KLF12: variants seen among roughly 807,000 people sequenced by gnomAD.
The protein encoded by KLF12 is Krueppel-like factor 12.
Under a neutral mutation model 37.8 loss-of-function variants are expected in KLF12, and 9 were observed. That is an observed-to-expected ratio of 0.24 (90% CI 0.14 to 0.42). The LOEUF is 0.42. Among genes scored for constraint, KLF12 ranks in the 10% least tolerant of loss-of-function variants. The pLI, the probability that KLF12 is intolerant of heterozygous loss-of-function variation, is 1.00. For missense variants in KLF12, 411 were observed against 516.0 expected (o/e 0.80, Z 1.97); for synonymous variants, 208 against 202.1 (o/e 1.03, Z -0.25).
intron 4 of KLF12, among the ~76,000 whole-genome samples, chr13:73,839,093 C>CTT (rs371913126): frequency 7.9e-5 from 11 of 138,618 alleles, no homozygotes; most frequent in Admixed American, 2.2e-4. Context: ...ATGACATTAA[C>CTT]TTTTTTTTTT....
intron 6 of KLF12, among the ~76,000 whole-genome samples, chr13:73,741,528 C>T (rs933650659): frequency 1.4e-4 from 21 of 152,174 alleles, no homozygotes; most frequent in African/African-American, 4.8e-4. Context: ...GTTCTTAGGC[C>T]AATAACACAT....
At chr13:74,099,971 G>C (rs779302306) in intron 1 of KLF12, among the ~76,000 whole-genome samples, 1 of 152,070 alleles carries the variant, frequency 6.6e-6, no homozygotes, top group Non-Finnish European at 1.5e-5. Flanking sequence ...CAGAGCCATG[G>C]AGTGCTGATG....
chr13:74,111,494 TAA>T, intron 1 of KLF12, among the ~76,000 whole-genome samples: 1 of 152,288 alleles, frequency 6.6e-6, no homozygotes, highest in South Asian at 2.1e-4. Flanking sequence ...TCAGAGAATT[TAA>T]AGTAATTCTA....
At chr13:74,175,291 A>G in the KLF12 span, among the ~76,000 whole-genome samples, 1 of 152,116 alleles carries the variant, frequency 6.6e-6, no homozygotes, top group African/African-American at 2.4e-5. Context: ...TAAAATGGGA[A>G]CTCCCTCAGT....
chr13:74,199,318 C>T, the KLF12 span, among the ~76,000 whole-genome samples: 1 of 152,192 alleles, frequency 6.6e-6, no homozygotes, highest in Non-Finnish European at 1.5e-5. Flanking sequence ...AAATGATATA[C>T]TTCAATTCAA....
At chr13:73,738,132 CACACAT>C (rs1479616889) in intron 6 of KLF12, among the ~76,000 whole-genome samples, 15 of 92,644 alleles carry the variant, frequency 1.6e-4, no homozygotes, top group African/African-American at 9.8e-4. Context: ...TATACACACA[CACACAT>C]ATATATACAC....
At chr13:73,948,727 T>C (rs1365007276) in intron 2 of KLF12, among the ~76,000 whole-genome samples, 1 of 152,196 alleles carries the variant, frequency 6.6e-6, no homozygotes, top group Non-Finnish European at 1.5e-5. Context: ...TCAAGTCCTA[T>C]TGCAGATGTG....
chr13:73,861,231 A>T (rs76965483), intron 3 of KLF12, among the ~76,000 whole-genome samples: 11,733 of 152,162 alleles, frequency 0.077, 607 homozygotes, highest in South Asian at 0.14. Flanking sequence ...ACAATGATAA[A>T]TGCATGTACC....
intron 6 of KLF12, among the ~76,000 whole-genome samples, chr13:73,762,801 T>C (rs1358990789): frequency 6.6e-6 from 1 of 152,196 alleles, no homozygotes; most frequent in Non-Finnish European, 1.5e-5. Context: ...AACAAGTGTT[T>C]ATCACTTTAC....
the KLF12 span, among the ~76,000 whole-genome samples, chr13:74,222,017 A>G: frequency 3.4e-4 from 52 of 152,288 alleles, no homozygotes; most frequent in African/African-American, 1.2e-3. Context: ...CCTGAAAGCC[A>G]TTTCTCCAGT....
chr13:73,735,871 C>T (rs1045514735), intron 6 of KLF12, among the ~76,000 whole-genome samples: 2 of 152,010 alleles, frequency 1.3e-5, no homozygotes, highest in African/African-American at 4.8e-5. Flanking sequence ...GATAAGGATG[C>T]ATAGGCCAAC....
At chr13:74,025,063 A>G (rs546750447) in intron 1 of KLF12, among the ~76,000 whole-genome samples, 1 of 152,340 alleles carries the variant, frequency 6.6e-6, no homozygotes, top group African/African-American at 2.4e-5. Flanking sequence ...CATTCAGGTA[A>G]CAATGTACAT....
chr13:73,782,371 AAAGT>A (rs1881022050), intron 5 of KLF12, among the ~76,000 whole-genome samples: 1 of 152,184 alleles, frequency 6.6e-6, no homozygotes, highest in African/African-American at 2.4e-5. Flanking sequence ...ACTTTCTCCT[AAAGT>A]AAGAACAATA....
chr13:74,285,755 T>A, the KLF12 span, among the ~76,000 whole-genome samples: 7 of 152,302 alleles, frequency 4.6e-5, no homozygotes, highest in Non-Finnish European at 1.0e-4. Flanking sequence ...ATCTGTGAAA[T>A]GGGAAGGATT....
chr13:73,904,756 G>C (rs952921951), intron 3 of KLF12, among the ~76,000 whole-genome samples: 5 of 152,096 alleles, frequency 3.3e-5, no homozygotes, highest in African/African-American at 1.2e-4. Context: ...GGTTTAGCAG[G>C]AAAGTGATGG....
chr13:74,188,545 C>G, the KLF12 span, among the ~76,000 whole-genome samples: 2 of 151,978 alleles, frequency 1.3e-5, no homozygotes, highest in African/African-American at 4.8e-5. Flanking sequence ...AATTATTGTA[C>G]CTGGCAAAAC....
the KLF12 span, among the ~76,000 whole-genome samples, chr13:74,283,783 A>G: frequency 4.6e-5 from 7 of 152,334 alleles, no homozygotes; most frequent in South Asian, 1.2e-3. Flanking sequence ...CATTTCTAGA[A>G]AAAATACATG....
chr13:73,817,568 C>A (rs1883302672), intron 4 of KLF12, among the ~76,000 whole-genome samples: 1 of 152,190 alleles, frequency 6.6e-6, no homozygotes, highest in South Asian at 2.1e-4. Context: ...TGCCTCTATA[C>A]ATGTTTTAAG....
At chr13:73,955,614 T>G (rs1454538064) in intron 2 of KLF12, among the ~76,000 whole-genome samples, 1 of 152,218 alleles carries the variant, frequency 6.6e-6, no homozygotes, top group African/African-American at 2.4e-5. Flanking sequence ...AATTCTATAT[T>G]TGACATAGTG....
Sources: allele counts gnomAD v4.1 joint callset (sites outside exome capture counted in the v4.1 genomes callset), GRCh38; gene constraint gnomAD v4.1.1; transcripts MANE v1.5; gene names NCBI Gene and HGNC (gene_info 2026-07-23, HGNC 2026-07-21).